Variants in CDK13 observed in about 807,000 individuals in gnomAD.
CDK13 encodes cyclin dependent kinase 13.
Under a neutral mutation model 137.6 loss-of-function variants are expected in CDK13, and 40 were observed. The ratio of observed to expected loss-of-function variants is 0.29; its 90% confidence interval spans 0.23 to 0.38. The LOEUF (loss-of-function observed/expected upper bound fraction) is 0.38. Ranked by LOEUF, CDK13 falls within the 10% of genes least tolerant of loss-of-function variation. The pLI is 1.00. For missense variants in CDK13, 1,704 were observed against 1,951.8 expected, an observed-to-expected ratio of 0.87 and a Z score of 2.39; for synonymous variants, 869 against 760.1, an observed-to-expected ratio of 1.14 and a Z score of -2.36.
chr7:40,094,128 A>T lies in CDK13; in HGVS notation c.3689-2A>T, dbSNP rs770859484. Reference sequence around the variant, plus strand: ...ACCTTGTTTTTGCTCTGTTTCACTTAGGACAAGATGACCTCATCCAGCATC... The same window carrying T: ...ACCTTGTTTTTGCTCTGTTTCACTTTGGACAAGATGACCTCATCCAGCATC... On this transcript the variant is annotated splice_acceptor_variant, in intron 13 of 13. Coordinates refer to ENST00000181839, the MANE Select transcript of CDK13 (RefSeq NM_003718.5). LOFTEE classifies it high-confidence loss of function. 6.2e-7 allele frequency: 1 copy of T among 1,612,518 alleles called. No homozygotes were observed. Among genetic ancestry groups the T allele is most frequent in the Non-Finnish European group, 8.5e-7 (1 of 1,179,642 alleles).
chr7:40,023,573 C>T (rs1034504457), intron 5 of CDK13, among the ~76,000 whole-genome samples: 1 of 151,594 alleles, frequency 6.6e-6, no homozygotes, highest in Non-Finnish European at 1.5e-5. Context: ...GATCTCGGCT[C>T]ACTGCAAGCT....
chr7:40,028,772 C>T (rs1000136887), intron 5 of CDK13, among the ~76,000 whole-genome samples: 1 of 151,704 alleles, frequency 6.6e-6, no homozygotes, highest in African/African-American at 2.4e-5. Context: ...AAATAAAGTT[C>T]CTCTGTAAGA....
At chr7:40,020,184 C>T (rs1562732397) in intron 5 of CDK13, among the ~76,000 whole-genome samples, 2 of 152,252 alleles carry the variant, frequency 1.3e-5, no homozygotes, top group Admixed American at 1.3e-4. Context: ...TCTCCTGCTT[C>T]AGCTTCCCAA....
intron 9 of CDK13, among the ~76,000 whole-genome samples, chr7:40,075,310 T>C (rs928506337): frequency 6.6e-6 from 1 of 152,194 alleles, no homozygotes; most frequent in African/African-American, 2.4e-5. Flanking sequence ...AATGCAGTTA[T>C]CAGTTGCTGT....
intron 1 of CDK13, among the ~76,000 whole-genome samples, chr7:39,966,644 C>T (rs1018695346): frequency 6.6e-5 from 10 of 152,110 alleles, no homozygotes; most frequent in East Asian, 3.9e-4. Flanking sequence ...AGCTTTGTTC[C>T]GTTGCTGGTG....
intron 5 of CDK13, among the ~76,000 whole-genome samples, chr7:40,041,333 C>T (rs1051609964): frequency 6.6e-6 from 1 of 152,004 alleles, no homozygotes; most frequent in South Asian, 2.1e-4. Context: ...CTCAAAAAAA[C>T]CAACTAAACA....
intron 1 of CDK13, among the ~76,000 whole-genome samples, chr7:39,970,466 CTT>C (rs556038389): frequency 2.8e-5 from 2 of 70,282 alleles, no homozygotes; most frequent in Non-Finnish European, 4.5e-5. Context: ...CTGTTGTCAT[CTT>C]TTTTTTTTTT....
chr7:40,047,989 G>A (rs1455019140), intron 7 of CDK13, 112 bp downstream of exon 7: 1 of 673,066 alleles, frequency 1.5e-6, no homozygotes, highest in Non-Finnish European at 2.6e-6. Context: ...TACTTTTCAT[G>A]GTTAGTACAT....
intron 1 of CDK13, among the ~76,000 whole-genome samples, chr7:39,953,406 C>T (rs1313981550): frequency 2.0e-5 from 3 of 152,164 alleles, no homozygotes; most frequent in Non-Finnish European, 4.4e-5. Flanking sequence ...AGTTTCAGCA[C>T]TTGAACAATT....
intron 11 of CDK13, among the ~76,000 whole-genome samples, chr7:40,086,807 CTCTT>C (rs1375722190): frequency 1.4e-5 from 2 of 140,966 alleles, no homozygotes; most frequent in Non-Finnish European, 1.5e-5. Flanking sequence ...TCTAGCCTTA[CTCTT>C]TTTTTTTTTT....
At chr7:39,956,490 A>G (rs1161843553) in intron 1 of CDK13, among the ~76,000 whole-genome samples, 2 of 152,120 alleles carry the variant, frequency 1.3e-5, no homozygotes, top group Non-Finnish European at 2.9e-5. Context: ...CGTTTCATCC[A>G]TTCTTCTCAG....
chr7:40,048,590 T>C (rs1245012916), intron 7 of CDK13: 2 of 152,120 alleles, frequency 1.3e-5, no homozygotes, highest in Non-Finnish European at 2.9e-5. Context: ...TGAAATAATA[T>C]AGTTAAAGAA....
chr7:40,094,487 A>C lies in CDK13; in HGVS notation c.4046A>C (p.Tyr1349Ser). 1 of 1,613,560 alleles carries C rather than the reference A, an allele frequency of 6.2e-7. No individual in the cohort carries two copies. The change falls in exon 14 of 14, where the codon TAT becomes TCT. Residue 1349 changes from tyrosine (Y) to serine (S), a missense_variant. Tyr to Ser is a moderately radical substitution (Grantham distance 144, BLOSUM62 -2). This residue lies in a region of CDK13 where 475 missense variants were observed against 579.3 expected (regional missense o/e 0.82). Transcript: ENST00000181839. Reference protein sequence around the residue: ...FGSSSFSSAPYVSNDGLGSSS... With the variant: ...FGSSSFSSAPSVSNDGLGSSS... ...TCCTCTTCTTTCTCTTCTGCTCCTTATGTTAGCAATGATGGTCTAGGAAGC... is the reference window on the plus strand; with the variant it reads ...TCCTCTTCTTTCTCTTCTGCTCCTTCTGTTAGCAATGATGGTCTAGGAAGC...
intron 5 of CDK13, among the ~76,000 whole-genome samples, chr7:40,011,452 A>T (rs1044000704): frequency 2.0e-5 from 3 of 152,244 alleles, no homozygotes; most frequent in African/African-American, 7.2e-5. Context: ...ATAGATCAAT[A>T]ATAGAATTGA....
At chr7:40,077,212 T>C (rs958639483) in intron 9 of CDK13, among the ~76,000 whole-genome samples, 1 of 152,182 alleles carries the variant, frequency 6.6e-6, no homozygotes, top group Non-Finnish European at 1.5e-5. Flanking sequence ...TTAGGGTCCT[T>C]CCATTGATGG....
chr7:40,086,865 T>C (rs1786798580), intron 11 of CDK13, among the ~76,000 whole-genome samples: 1 of 146,846 alleles, frequency 6.8e-6, no homozygotes, highest in African/African-American at 2.5e-5. Context: ...CAGGCCAGAG[T>C]GCAGTGGCAT....
intron 1 of CDK13, among the ~76,000 whole-genome samples, chr7:39,976,338 C>CACAG (rs1412990457): frequency 2.7e-5 from 4 of 149,662 alleles, no homozygotes; most frequent in African/African-American, 4.9e-5. Flanking sequence ...CACACACACA[C>CACAG]ACACACACAC....
rs558563891 is a variant in CDK13 at position 39,996,936 on chromosome 7, C to CT, written c.1872-556dup. On this transcript the variant is annotated intron_variant, in intron 2 of 13. Coordinates refer to ENST00000181839, the MANE Select transcript of CDK13 (RefSeq NM_003718.5). ...CCAGGATCTTGCCACTGCACTCCAGCTTGGGTGACAGTGAGATTCCATCTC... is the reference window on the plus strand; with the variant it reads ...CCAGGATCTTGCCACTGCACTCCAGCTTTGGGTGACAGTGAGATTCCATCTC... Among the ~76,000 whole-genome samples the CT allele has an allele frequency of 3.9e-4, 45 of 116,386 alleles. 1 individual carries two copies. The South Asian group carries it at 0.013, about 32-fold the overall frequency. The allele number at this position is 116,386 out of a possible 152,430, so 76.4% of individuals were successfully genotyped here. A position where few individuals can be genotyped will look rare whatever the true frequency, so the allele number is the denominator to read the frequency against.
At chr7:40,091,615 C>T (rs1369016898) in intron 12 of CDK13, among the ~76,000 whole-genome samples, 1 of 152,176 alleles carries the variant, frequency 6.6e-6, no homozygotes, top group Non-Finnish European at 1.5e-5. Flanking sequence ...TAAGAAAACG[C>T]CCCTTCAGCA....
Sources: allele counts gnomAD v4.1 joint callset (sites outside exome capture counted in the v4.1 genomes callset), GRCh38; gene constraint gnomAD v4.1.1; regional missense constraint gnomAD v4.1.1; transcripts MANE v1.5; gene names NCBI Gene and HGNC (gene_info 2026-07-23, HGNC 2026-07-21).